Variants in ATG10 observed in about 807,000 individuals in gnomAD.
ATG10 encodes the protein autophagy related 10, also known as ubiquitin-like-conjugating enzyme ATG10.
In ATG10, 30 loss-of-function variants were observed where a neutral mutation model predicts 32.1. The observed-to-expected ratio is 0.94, with a 90% CI of 0.70 to 1.27. The LOEUF (loss-of-function observed/expected upper bound fraction) is 1.27. Ranked by LOEUF, ATG10 falls within the 50% of genes most tolerant of loss-of-function variation. The probability of loss-of-function intolerance (pLI) is 0.00; values close to 1 mark genes in which losing one functional copy is unlikely to be tolerated. For missense variants in ATG10, 233 were observed against 262.3 expected (o/e 0.89, Z 0.77); for synonymous variants, 87 against 91.5 (o/e 0.95, Z 0.28).
intron 3 of ATG10, among the ~76,000 whole-genome samples, chr5:82,077,532 G>T (rs1764318213): frequency 6.6e-6 from 1 of 151,576 alleles, no homozygotes; most frequent in Non-Finnish European, 1.5e-5. Context: ...TTATTTTTTT[G>T]TAGCTGTAAA....
At chr5:82,012,114 A>G (rs1402417581) in intron 2 of ATG10, among the ~76,000 whole-genome samples, 2 of 152,202 alleles carry the variant, frequency 1.3e-5, no homozygotes, top group Non-Finnish European at 2.9e-5. Flanking sequence ...TGGTCCTGGT[A>G]GAACCACCAT....
chr5:82,133,138 G>A (rs184119976), intron 3 of ATG10, among the ~76,000 whole-genome samples: 201 of 152,034 alleles, frequency 1.3e-3, no homozygotes, highest in African/African-American at 4.4e-3. Flanking sequence ...GGATATTAGC[G>A]CTTTGTCAGA....
intron 2 of ATG10, among the ~76,000 whole-genome samples, chr5:81,989,603 A>ATT (rs558779158): frequency 2.8e-5 from 4 of 143,928 alleles, no homozygotes; most frequent in East Asian, 2.0e-4. Flanking sequence ...TTATGTTTCA[A>ATT]TTTTTTTTTT....
chr5:82,055,355 A>G (rs540890285), intron 2 of ATG10, among the ~76,000 whole-genome samples: 1 of 152,156 alleles, frequency 6.6e-6, no homozygotes, highest in Non-Finnish European at 1.5e-5. Flanking sequence ...TCCTCAAATT[A>G]TAAGTATTAT....
At chr5:82,058,418 T>G (rs1272848053) in intron 2 of ATG10, 77 bp from the exon 3 acceptor site, 23 of 1,052,758 alleles carry the variant, frequency 2.2e-5, no homozygotes, top group South Asian at 1.5e-4. Context: ...TTGGAACTTA[T>G]GGGAAGTGGT....
intron 2 of ATG10, among the ~76,000 whole-genome samples, chr5:81,995,503 T>C (rs1761635372): frequency 6.6e-6 from 1 of 152,174 alleles, no homozygotes; most frequent in Admixed American, 6.5e-5. Context: ...AAGTCTAATA[T>C]ATCAATCGAG....
intron 4 of ATG10, among the ~76,000 whole-genome samples, chr5:82,166,751 T>G (rs1743599922): frequency 2.0e-5 from 3 of 152,164 alleles, no homozygotes; most frequent in Non-Finnish European, 4.4e-5. Flanking sequence ...GGCCCGGATT[T>G]TTCTTTGTCT....
chr5:82,139,856 C>G (rs1347390688), intron 3 of ATG10, among the ~76,000 whole-genome samples: 1 of 143,152 alleles, frequency 7.0e-6, no homozygotes, highest in Admixed American at 6.8e-5. Context: ...GTCAGCCCCC[C>G]CACCCGGCCA....
At position 82,152,818 on chromosome 5, in the gene ATG10, G is replaced by A. The variant is rs79828666; in HGVS notation, c.217-11581G>A. Among the ~76,000 whole-genome samples the A allele has an allele frequency of 6.8e-3, 1,035 of 152,228 alleles. 10 individuals are homozygous for A. Among genetic ancestry groups the A allele is most frequent in the African/African-American group, 0.024 (977 of 41,536 alleles). ...GTAAATATACACATATTAGGGTTGA[G>A]TGCTTAACTTTTTTGACTCCTAGTG... On this transcript the variant is annotated intron_variant, in intron 3 of 7. Coordinates refer to ENST00000282185, the MANE Select transcript of ATG10 (RefSeq NM_031482.5).
chr5:82,185,834 T>C (rs934032853), intron 5 of ATG10, among the ~76,000 whole-genome samples: 1 of 152,226 alleles, frequency 6.6e-6, no homozygotes, highest in Non-Finnish European at 1.5e-5. Context: ...TCAAGTGAAG[T>C]TCCAGTGATT....
chr5:82,210,155 G>A (rs1234057726), intron 5 of ATG10, among the ~76,000 whole-genome samples: 1 of 151,914 alleles, frequency 6.6e-6, no homozygotes, highest in African/African-American at 2.4e-5. Context: ...TTTTCTCTTG[G>A]GTTTTGGTCA....
intron 3 of ATG10, among the ~76,000 whole-genome samples, chr5:82,082,475 C>T (rs73134747): frequency 0.18 from 27,266 of 152,038 alleles, 2,989 homozygotes; most frequent in Middle Eastern, 0.26. Flanking sequence ...ACTTGATTAA[C>T]GTAATGTCTC....
chr5:82,150,256 A>G (rs1767538682), intron 3 of ATG10, among the ~76,000 whole-genome samples: 1 of 150,278 alleles, frequency 6.7e-6, no homozygotes. Context: ...TTTCTTTCCC[A>G]AGTGTGTCAA....
intron 3 of ATG10, among the ~76,000 whole-genome samples, chr5:82,105,584 G>A (rs1297891812): frequency 6.6e-6 from 1 of 152,112 alleles, no homozygotes; most frequent in African/African-American, 2.4e-5. Context: ...TGACAGCTCT[G>A]CTCAAAAACA....
chr5:81,982,602 T>A (rs1405403243), intron 1 of ATG10, among the ~76,000 whole-genome samples: 1 of 152,098 alleles, frequency 6.6e-6, no homozygotes, highest in Non-Finnish European at 1.5e-5. Flanking sequence ...TCTTGGGTGT[T>A]TCTCGCAGAG....
chr5:81,983,688 C>G (rs905734437), intron 1 of ATG10, among the ~76,000 whole-genome samples: 29 of 151,572 alleles, frequency 1.9e-4, no homozygotes, highest in African/African-American at 7.0e-4. Flanking sequence ...CGGGCGGAGA[C>G]GCTCCTCACT....
At chr5:82,162,264 A>G (rs1487050703) in intron 3 of ATG10, among the ~76,000 whole-genome samples, 2 of 152,170 alleles carry the variant, frequency 1.3e-5, no homozygotes, top group Non-Finnish European at 2.9e-5. Flanking sequence ...AATACAAATT[A>G]CCAATAAACA....
At chr5:82,243,480 T>C (rs1746885689) in intron 5 of ATG10, among the ~76,000 whole-genome samples, 1 of 152,024 alleles carries the variant, frequency 6.6e-6, no homozygotes, top group African/African-American at 2.4e-5. Flanking sequence ...AGTCAAACAA[T>C]TTTTTTAAAT....
At chr5:82,048,686 TCAAA>T (rs1763303139) in intron 2 of ATG10, among the ~76,000 whole-genome samples, 1 of 151,674 alleles carries the variant, frequency 6.6e-6, no homozygotes, top group African/African-American at 2.4e-5. Flanking sequence ...TACAATGGAC[TCAAA>T]CAAATTTACA....
Sources: gnomAD v4.1 joint callset for allele counts (sites outside exome capture counted in the v4.1 genomes callset) on GRCh38, gnomAD v4.1.1 for gene constraint, MANE v1.5 for transcripts, NCBI Gene and HGNC (gene_info 2026-07-23, HGNC 2026-07-21) for gene names.